The following MYO5C variants were observed in gnomAD, a reference collection of about 807,000 sequenced individuals.
MYO5C encodes unconventional myosin-Vc.
A neutral mutation model predicts 235.7 loss-of-function variants in MYO5C; 194 were observed. The observed-to-expected ratio is 0.82, with a 90% confidence interval of 0.73 to 0.93. The LOEUF (loss-of-function observed/expected upper bound fraction) is 0.93. Among genes scored for constraint, MYO5C ranks in the 40% least tolerant of loss-of-function variants. The pLI, the probability that MYO5C is intolerant of heterozygous loss-of-function variation, is 0.00. For synonymous variants in MYO5C, 707 were observed against 754.8 expected (o/e 0.94, Z 1.04); for missense variants, 2,038 against 2,127.2 (o/e 0.96, Z 0.82).
intron 38 of MYO5C, among the ~76,000 whole-genome samples, chr15:52,199,185 C>T (rs1396891412): frequency 1.3e-5 from 2 of 152,182 alleles, no homozygotes; most frequent in Non-Finnish European, 2.9e-5. Context: ...TGAGCCACCA[C>T]GCCCGGCCCT....
In MYO5C at chr15:52,195,466, G is replaced by A. The variant is rs200349767; in HGVS notation, c.4996-9C>T. The A allele has an allele frequency of 1.4e-3, 2,289 of 1,588,394 alleles. 7 individuals are homozygous for A. The highest frequency in any genetic ancestry group is 2.5e-3 in the South Asian group (225 of 89,444). On this transcript the variant is annotated splice_polypyrimidine_tract_variant and intron_variant, in intron 39 of 40. Transcript: ENST00000261839. The stretch of plus-strand genomic sequence containing the variant: ...TTAAGGATCTTTATGATCTGCAAAC[G>A]GTACATAACATGGTGTTAGACCATG...
At chr15:52,211,961 G>A in intron 34 of MYO5C, 77 bp from the exon 35 acceptor site, 1 of 1,482,198 alleles carries the variant, frequency 6.7e-7, no homozygotes, top group South Asian at 1.3e-5. Context: ...CTAGGGGCAG[G>A]GGCTTGTTTG....
At chr15:52,212,384 A>G (rs2035462717) in intron 34 of MYO5C, among the ~76,000 whole-genome samples, 1 of 152,168 alleles carries the variant, frequency 6.6e-6, no homozygotes, top group African/African-American at 2.4e-5. Flanking sequence ...ATCTTACAAA[A>G]AAAGTTAAGA....
intron 10 of MYO5C, among the ~76,000 whole-genome samples, chr15:52,259,558 G>T (rs1482176238): frequency 6.6e-6 from 1 of 152,130 alleles, no homozygotes; most frequent in Non-Finnish European, 1.5e-5. Flanking sequence ...AATGAAACAG[G>T]ACTATTTTTA....
chr15:52,268,978 G>A (rs1361216309), intron 8 of MYO5C, among the ~76,000 whole-genome samples: 1 of 152,224 alleles, frequency 6.6e-6, no homozygotes, highest in East Asian at 1.9e-4. Flanking sequence ...TCCTAGGGTG[G>A]TTGTAGGGAT....
At chr15:52,285,290 C>G (rs933810265) in intron 1 of MYO5C, among the ~76,000 whole-genome samples, 5 of 152,102 alleles carry the variant, frequency 3.3e-5, no homozygotes, top group African/African-American at 1.2e-4. Context: ...ATCGCTTGAA[C>G]CCAGGAGGTG....
Position 52,202,533 on chromosome 15 carries a change from C to T in MYO5C, c.4820+2332G>A, listed in dbSNP as rs114479667. Among the ~76,000 whole-genome samples the T allele has an allele frequency of 3.1e-3, 472 of 152,278 alleles. 1 individual carries two copies. Among genetic ancestry groups the T allele is most frequent in the African/African-American group, 0.011 (450 of 41,552 alleles). On this transcript the variant is annotated intron_variant, in intron 38 of 40. Coordinates refer to ENST00000261839, the MANE Select transcript of MYO5C (RefSeq NM_018728.4). ...GATCCTTTTCATTCATGTCTCTACT[C>T]AGTCTTGGGGGATCCACTGAGGGAG...
chr15:52,269,379 C>T (rs1311034603), intron 8 of MYO5C, among the ~76,000 whole-genome samples: 1 of 145,544 alleles, frequency 6.9e-6, no homozygotes, highest in Non-Finnish European at 1.5e-5. Context: ...GGAATCCCCA[C>T]CTTTTAATTT....
chr15:52,208,691 C>A, intron 35 of MYO5C, 48 bp from the exon 36 acceptor site: 1 of 1,517,330 alleles, frequency 6.6e-7, no homozygotes, highest in Non-Finnish European at 9.1e-7. Context: ...ATTACTTGTA[C>A]CTCTGAGCAT....
At position 52,223,566 on chromosome 15, in the gene MYO5C, G is replaced by A; in HGVS notation, c.3605C>T (p.Thr1202Ile). The change falls in exon 29 of 41, where the codon ACC (threonine) becomes ATC (isoleucine). Residue 1202 changes from threonine to isoleucine, a missense_variant. Thr to Ile is a moderately conservative substitution (Grantham distance 89, BLOSUM62 -1). Transcript: ENST00000261839. ...TACCATGTTCTCTGATGTTAGCCTG[G>A]TAACTTCATGACGGATGCTTTCATT... ...DINESIRHEV[T>I]RLTSENMMIP... 1 of 1,613,938 alleles carries A rather than the reference G, an allele frequency of 6.2e-7. No homozygotes were observed. The highest frequency in any genetic ancestry group is 8.5e-7 in the Non-Finnish European group (1 of 1,179,922).
At chr15:52,263,525 T>A (rs1411412350) in intron 9 of MYO5C, among the ~76,000 whole-genome samples, 2 of 152,148 alleles carry the variant, frequency 1.3e-5, no homozygotes, top group Non-Finnish European at 2.9e-5. Context: ...AGGTCCTATG[T>A]GGTCTGCAAT....
chr15:52,243,836 T>A (rs1194547516), intron 19 of MYO5C, among the ~76,000 whole-genome samples: 1 of 152,154 alleles, frequency 6.6e-6, no homozygotes, highest in Non-Finnish European at 1.5e-5. Context: ...TGGACCACCC[T>A]CCCCTCAGCC....
At chr15:52,221,774 G>C (rs2035693921) in intron 29 of MYO5C, among the ~76,000 whole-genome samples, 1 of 152,146 alleles carries the variant, frequency 6.6e-6, no homozygotes, top group African/African-American at 2.4e-5. Context: ...GGTTAAAACA[G>C]GGTTTTTTTT....
chr15:52,293,627 C>T (rs2037440065), intron 1 of MYO5C, among the ~76,000 whole-genome samples: 1 of 152,138 alleles, frequency 6.6e-6, no homozygotes, highest in African/African-American at 2.4e-5. Flanking sequence ...CTTGGCTGGT[C>T]CCTTCAACCC....
At chr15:52,195,589 T>G (rs1478382913) in intron 39 of MYO5C, 132 bp from the exon 40 acceptor site, 4 of 519,422 alleles carry the variant, frequency 7.7e-6, no homozygotes. Flanking sequence ...GTTCAGGAAC[T>G]GTATGTTACC....
chr15:52,224,422 G>A (rs1005073986), intron 28 of MYO5C, among the ~76,000 whole-genome samples: 1 of 152,324 alleles, frequency 6.6e-6, no homozygotes, highest in African/African-American at 2.4e-5. Context: ...ACAGTGGCGT[G>A]TCAGTGTTGG....
intron 13 of MYO5C, 129 bp downstream of exon 13, chr15:52,251,259 AAC>A: frequency 1.2e-6 from 1 of 838,736 alleles, no homozygotes; most frequent in Non-Finnish European, 1.7e-6. Flanking sequence ...GGAACTGTTA[AAC>A]ACACACTCAT....
intron 33 of MYO5C, 83 bp downstream of exon 33, chr15:52,214,520 G>T: frequency 2.9e-6 from 3 of 1,024,358 alleles, no homozygotes; most frequent in Non-Finnish European, 4.2e-6. Context: ...GGTTTCATAA[G>T]CTTTGGACCA....
intron 29 of MYO5C, 108 bp downstream of exon 29, chr15:52,223,436 A>T: frequency 1.8e-6 from 2 of 1,093,836 alleles, no homozygotes; most frequent in Non-Finnish European, 2.6e-6. Context: ...TTCTGGAAAA[A>T]GTAATTTATA....
Sources: allele counts gnomAD v4.1 joint callset (sites outside exome capture counted in the v4.1 genomes callset), GRCh38; gene constraint gnomAD v4.1.1; transcripts MANE v1.5; gene names NCBI Gene and HGNC (gene_info 2026-07-23, HGNC 2026-07-21).